The following PTPRN2 variants were observed in gnomAD, a reference collection of about 807,000 sequenced individuals.
The protein encoded by PTPRN2 is receptor-type tyrosine-protein phosphatase N2.
PTPRN2 carries 74 observed loss-of-function variants against 118.8 expected under a neutral mutation model. The ratio of observed to expected loss-of-function variants is 0.62; its 90% CI spans 0.52 to 0.76. The LOEUF (loss-of-function observed/expected upper bound fraction) is 0.76, where lower values mean the gene tolerates loss of function less well. Ranked by LOEUF, PTPRN2 falls within the 30% of genes least tolerant of loss-of-function variation. The pLI is 0.00. For synonymous variants in PTPRN2, 641 were observed against 608.0 expected, an observed-to-expected ratio of 1.05 and a Z score of -0.80; for missense variants, 1,481 against 1,394.4, an observed-to-expected ratio of 1.06 and a Z score of -0.99.
intron 19 of PTPRN2, among the ~76,000 whole-genome samples, chr7:157,576,191 G>A (rs1487371321): frequency 6.6e-6 from 1 of 152,132 alleles, no homozygotes; most frequent in Non-Finnish European, 1.5e-5. Flanking sequence ...AGTGTCTCCG[G>A]GCTTCCCTGC....
rs1342967889 is a variant in PTPRN2, at chr7:158,462,221, C to T, written c.163+27514G>A. On this transcript the variant is annotated intron_variant, in intron 2 of 22. Transcript: ENST00000389418. ...TTCTTTCTGGAGGAGTTTGGGTGAG[C>T]TTGTTTATCCCAGGATGTCACTTCT... Among the ~76,000 whole-genome samples, 4 of 152,312 alleles carry T rather than the reference C, an allele frequency of 2.6e-5. No individual in the cohort carries two copies. The East Asian group carries it at 5.8e-4, about 22-fold the overall frequency.
intron 11 of PTPRN2, among the ~76,000 whole-genome samples, chr7:157,945,423 G>A (rs553438766): frequency 2.0e-4 from 31 of 152,058 alleles, no homozygotes; most frequent in Middle Eastern, 3.4e-3. Flanking sequence ...CCATCCTGGC[G>A]TCTGACAAAT....
At chr7:158,054,255 G>A (rs755802771) in intron 11 of PTPRN2, among the ~76,000 whole-genome samples, 4 of 152,214 alleles carry the variant, frequency 2.6e-5, no homozygotes, top group Non-Finnish European at 4.4e-5. Flanking sequence ...ACAGCTCTCC[G>A]AAATTTTCCC....
At chr7:157,545,630 C>G (rs113678937) in intron 22 of PTPRN2, among the ~76,000 whole-genome samples, 167 of 152,110 alleles carry the variant, frequency 1.1e-3, no homozygotes, top group African/African-American at 3.9e-3. Context: ...AGTTTGTGGT[C>G]GGGGACTGAG....
At chr7:157,888,915 A>G (rs1796639793) in intron 12 of PTPRN2, among the ~76,000 whole-genome samples, 2 of 152,296 alleles carry the variant, frequency 1.3e-5, no homozygotes, top group Admixed American at 6.5e-5. Flanking sequence ...TCCAATATCA[A>G]TCTCCTGGTT....
In PTPRN2 at chr7:157,922,874, G is replaced by A. The variant is rs11771486; in HGVS notation, c.1724-24137C>T. ...TCGCTTACAAAAACCTATTTGCTGT[G>A]CTTCAGAGCAAAATGAAAATATATA... On this transcript the variant is annotated intron_variant, in intron 11 of 22. Coordinates refer to ENST00000389418, the MANE Select transcript of PTPRN2 (RefSeq NM_002847.5). Among the ~76,000 whole-genome samples the A allele has an allele frequency of 6.9e-3, 1,049 of 152,330 alleles. 8 individuals are homozygous for A. Among genetic ancestry groups the A allele is most frequent in the Middle Eastern group, 0.014 (4 of 294 alleles).
At chr7:157,580,916 C>T (rs1800339457) in intron 17 of PTPRN2, among the ~76,000 whole-genome samples, 1 of 135,284 alleles carries the variant, frequency 7.4e-6, no homozygotes, top group South Asian at 2.6e-4. Context: ...ACCGTGGCAC[C>T]TGCACACCCG....
At chr7:158,560,568 C>T (rs578240248) in intron 1 of PTPRN2, among the ~76,000 whole-genome samples, 3 of 152,374 alleles carry the variant, frequency 2.0e-5, no homozygotes, top group Non-Finnish European at 4.4e-5. Flanking sequence ...ACTTGCGCTC[C>T]GCGCGCAGGA....
At chr7:157,862,487 T>C (rs1208583191) in intron 12 of PTPRN2, 4 of 152,278 alleles carry the variant, frequency 2.6e-5, no homozygotes, top group Non-Finnish European at 4.4e-5. Flanking sequence ...CTAGATTATT[T>C]ACTAACTGGG....
chr7:157,545,306 C>T (rs1027602834), intron 22 of PTPRN2, among the ~76,000 whole-genome samples: 3 of 144,224 alleles, frequency 2.1e-5, no homozygotes, highest in Non-Finnish European at 4.5e-5. Flanking sequence ...TGGGTGTGTA[C>T]CACATGCGTG....
intron 2 of PTPRN2, among the ~76,000 whole-genome samples, chr7:158,341,599 C>T (rs1258220078): frequency 1.1e-5 from 1 of 91,750 alleles, no homozygotes; most frequent in Non-Finnish European, 2.2e-5. Flanking sequence ...CACCCGCAGA[C>T]ATCACTCACA....
intron 22 of PTPRN2, among the ~76,000 whole-genome samples, chr7:157,547,504 G>C (rs1185248548): frequency 6.6e-6 from 1 of 152,132 alleles, no homozygotes. Flanking sequence ...AAGCTCATGA[G>C]AACTTTTTTG....
intron 12 of PTPRN2, among the ~76,000 whole-genome samples, chr7:157,842,410 CTTTTTTTT>C (rs11316558): frequency 8.3e-4 from 77 of 93,280 alleles, no homozygotes; most frequent in African/African-American, 2.0e-3. Flanking sequence ...ATTCAGGAGA[CTTTTTTTT>C]TTTTTTTTTT....
intron 3 of PTPRN2, among the ~76,000 whole-genome samples, chr7:158,206,420 AAC>A (rs1309289460): frequency 6.6e-6 from 1 of 151,434 alleles, no homozygotes; most frequent in African/African-American, 2.5e-5. Context: ...CTGAATAATC[AAC>A]AGTGGTACCC....
rs191107238 is a variant in PTPRN2, at chr7:157,608,555, T to G, written c.2345-4480A>C. The stretch of plus-strand genomic sequence containing the variant: ...GGCGAATCTCTATTTTGTGATTCTC[T>G]TACTTTTTATGAGATGTTTTGAGAG... On this transcript the variant is annotated intron_variant, in intron 15 of 22. Coordinates refer to ENST00000389418, the MANE Select transcript of PTPRN2 (RefSeq NM_002847.5). Among the ~76,000 whole-genome samples, 9 of 152,332 alleles carry G rather than the reference T, an allele frequency of 5.9e-5. No individual in the cohort carries two copies. The East Asian group carries it at 1.7e-3, about 29-fold the overall frequency.
intron 11 of PTPRN2, among the ~76,000 whole-genome samples, chr7:157,924,651 G>T (rs1267802577): frequency 6.6e-6 from 1 of 152,242 alleles, no homozygotes; most frequent in East Asian, 1.9e-4. Context: ...GGTACACAGG[G>T]TAAGAAGTCC....
In PTPRN2 at chr7:158,071,439, G is replaced by A. The variant is rs867047158; in HGVS notation, c.1723+9859C>T. Among the ~76,000 whole-genome samples, 148 of 98,196 alleles carry A rather than the reference G, an allele frequency of 1.5e-3. 3 individuals carry two copies. Among genetic ancestry groups the A allele is most frequent in the Non-Finnish European group, 2.4e-3 (107 of 44,838 alleles). 64.4% of individuals were successfully genotyped at this position (98,196 alleles called of 152,430 possible). On this transcript the variant is annotated intron_variant, in intron 11 of 22. Transcript: ENST00000389418. ...CCTGGTGGTGGAGGTGCTCGTGGTGGTGGAGGTGCTCGTGGTTGAGGTGCT... is the reference window on the plus strand; with the variant it reads ...CCTGGTGGTGGAGGTGCTCGTGGTGATGGAGGTGCTCGTGGTTGAGGTGCT...
At chr7:158,308,257 G>A (rs535126605) in intron 3 of PTPRN2, among the ~76,000 whole-genome samples, 79 of 152,120 alleles carry the variant, frequency 5.2e-4, no homozygotes, top group South Asian at 2.1e-3. Flanking sequence ...TCAGAAAATC[G>A]ATCCTTCAAA....
intron 10 of PTPRN2, among the ~76,000 whole-genome samples, chr7:158,108,236 C>T (rs1815846765): frequency 6.6e-6 from 1 of 151,358 alleles, no homozygotes. Flanking sequence ...CCCACTCACC[C>T]ACTATAGCCC....
Sources: gnomAD v4.1 joint callset for allele counts (sites outside exome capture counted in the v4.1 genomes callset) on GRCh38, gnomAD v4.1.1 for gene constraint, MANE v1.5 for transcripts, NCBI Gene and HGNC (gene_info 2026-07-23, HGNC 2026-07-21) for gene names.